The following ERBB4 variants were observed in gnomAD, a reference collection of about 807,000 sequenced individuals.
ERBB4 encodes the protein receptor tyrosine-protein kinase erbB-4.
A neutral mutation model predicts 158.0 loss-of-function variants in ERBB4; 42 were observed. The ratio of observed to expected loss-of-function variants is 0.27; its 90% confidence interval spans 0.21 to 0.34. ERBB4 has a LOEUF of 0.34. Among genes scored for constraint, ERBB4 ranks in the 10% least tolerant of loss-of-function variants. The probability of loss-of-function intolerance (pLI) is 1.00; values close to 1 mark genes in which losing one functional copy is unlikely to be tolerated. For missense variants in ERBB4, 1,333 were observed against 1,624.1 expected, an observed-to-expected ratio of 0.82 and a Z score of 3.08; for synonymous variants, 583 against 558.7, an observed-to-expected ratio of 1.04 and a Z score of -0.61.
At chr2:211,858,699 G>T (rs1412099792) in intron 3 of ERBB4, among the ~76,000 whole-genome samples, 1 of 152,140 alleles carries the variant, frequency 6.6e-6, no homozygotes, top group Non-Finnish European at 1.5e-5. Context: ...ACAGATGTTA[G>T]CTGTAACATA....
At chr2:212,051,515 A>G (rs2077399191) in intron 2 of ERBB4, among the ~76,000 whole-genome samples, 1 of 152,208 alleles carries the variant, frequency 6.6e-6, no homozygotes, top group Non-Finnish European at 1.5e-5. Context: ...AATTGATGTT[A>G]TGTTTCCTTA....
intron 1 of ERBB4, among the ~76,000 whole-genome samples, chr2:212,418,889 A>G (rs1012608884): frequency 6.6e-6 from 1 of 151,846 alleles, no homozygotes; most frequent in Non-Finnish European, 1.5e-5. Flanking sequence ...TCCCATTGAC[A>G]TGGTCCTACA....
chr2:212,320,293 A>T (rs76759243), intron 1 of ERBB4, among the ~76,000 whole-genome samples: 2,187 of 148,854 alleles, frequency 0.015, 77 homozygotes, highest in African/African-American at 0.051. Flanking sequence ...TTCTTAGGGG[A>T]ATGAAATGCA....
chr2:212,268,844 T>A (rs2085244315), intron 1 of ERBB4, among the ~76,000 whole-genome samples: 1 of 151,980 alleles, frequency 6.6e-6, no homozygotes, highest in East Asian at 1.9e-4. Context: ...TTTTTCTGTA[T>A]AGCATTATAA....
chr2:212,115,971 G>T (rs1559526831), intron 2 of ERBB4, among the ~76,000 whole-genome samples: 1 of 151,974 alleles, frequency 6.6e-6, no homozygotes, highest in South Asian at 2.1e-4. Flanking sequence ...TGCAACAAAG[G>T]TATATTTGTG....
chr2:212,242,062 T>G (rs965992958), intron 1 of ERBB4, among the ~76,000 whole-genome samples: 1 of 151,928 alleles, frequency 6.6e-6, no homozygotes, highest in East Asian at 1.9e-4. Context: ...ATATGAATAA[T>G]CATCATCATA....
chr2:212,109,765 A>C (rs1194919259), intron 2 of ERBB4, among the ~76,000 whole-genome samples: 1 of 152,198 alleles, frequency 6.6e-6, no homozygotes, highest in Non-Finnish European at 1.5e-5. Context: ...GTGATCAAAC[A>C]ATTCAATATT....
intron 15 of ERBB4, among the ~76,000 whole-genome samples, chr2:211,661,446 T>A (rs2105909111): frequency 6.6e-6 from 1 of 152,164 alleles, no homozygotes; most frequent in East Asian, 1.9e-4. Flanking sequence ...ATTAGAAAAA[T>A]AAAACACATG....
At chr2:212,228,257 A>G (rs192371875) in intron 1 of ERBB4, among the ~76,000 whole-genome samples, 1 of 152,314 alleles carries the variant, frequency 6.6e-6, no homozygotes, top group East Asian at 1.9e-4. Flanking sequence ...CTGATGGGAA[A>G]ATTAGAAGAA....
At chr2:211,792,658 T>C (rs767517973) in intron 3 of ERBB4, among the ~76,000 whole-genome samples, 16 of 151,984 alleles carry the variant, frequency 1.1e-4, no homozygotes, top group Non-Finnish European at 2.2e-4. Context: ...TTTTCTTGTA[T>C]TGAACTGTAA....
At chr2:212,097,374 C>A (rs1310199552) in intron 2 of ERBB4, among the ~76,000 whole-genome samples, 1 of 152,102 alleles carries the variant, frequency 6.6e-6, no homozygotes, top group African/African-American at 2.4e-5. Flanking sequence ...AGATGAAAAC[C>A]ATTTCAGGTA....
intron 5 of ERBB4, among the ~76,000 whole-genome samples, chr2:211,726,167 G>A (rs1359990154): frequency 5.9e-5 from 9 of 152,082 alleles, no homozygotes; most frequent in Non-Finnish European, 1.3e-4. Flanking sequence ...TTTTCAAACA[G>A]ATCTTCTAAG....
chr2:211,520,446 G>C (rs1033668641), intron 20 of ERBB4, among the ~76,000 whole-genome samples: 5 of 152,040 alleles, frequency 3.3e-5, no homozygotes, highest in African/African-American at 1.2e-4. Context: ...CTAGCCCGTG[G>C]CCTGTTCTGT....
intron 3 of ERBB4, among the ~76,000 whole-genome samples, chr2:211,918,253 C>G (rs573406716): frequency 6.6e-6 from 1 of 152,178 alleles, no homozygotes; most frequent in South Asian, 2.1e-4. Context: ...GTTTACAGAA[C>G]TGAAAGTATT....
chr2:211,807,753 G>A (rs2076654470), intron 3 of ERBB4, among the ~76,000 whole-genome samples: 1 of 152,210 alleles, frequency 6.6e-6, no homozygotes, highest in Non-Finnish European at 1.5e-5. Context: ...TGGTGTGAAA[G>A]AGTTCCTATT....
At chr2:211,800,491 A>T (rs532597111) in intron 3 of ERBB4, among the ~76,000 whole-genome samples, 1 of 152,210 alleles carries the variant, frequency 6.6e-6, no homozygotes, top group East Asian at 1.9e-4. Flanking sequence ...AAACAAAACA[A>T]AACAGTTTAA....
chr2:211,735,908 T>C (rs2074583315), intron 5 of ERBB4, among the ~76,000 whole-genome samples: 1 of 151,778 alleles, frequency 6.6e-6, no homozygotes, highest in Non-Finnish European at 1.5e-5. Flanking sequence ...ATCCCAGCAC[T>C]TTGGGAGGCT....
chr2:212,502,608 A>G (rs1358568743), intron 1 of ERBB4, among the ~76,000 whole-genome samples: 1 of 152,184 alleles, frequency 6.6e-6, no homozygotes, highest in Non-Finnish European at 1.5e-5. Context: ...GCTGTTAACC[A>G]AACCCAATTC....
chr2:211,820,161 T>A lies in ERBB4; in HGVS notation c.422-32002A>T, dbSNP rs191644719. ...AACTCACAAATACATATAAAAAGTA[T>A]ATAACTTTTAAATAACCAATGGAAT... is the stretch of plus-strand genomic sequence containing the variant. On this transcript the variant is annotated intron_variant, in intron 3 of 27. Transcript: ENST00000342788. Among the ~76,000 whole-genome samples, 548 of 152,020 alleles carry A rather than the reference T, an allele frequency of 3.6e-3. 5 individuals are homozygous for A. Among genetic ancestry groups the A allele is most frequent in the African/African-American group, 0.012 (500 of 41,540 alleles).
Sources: allele counts gnomAD v4.1 joint callset (sites outside exome capture counted in the v4.1 genomes callset), GRCh38; gene constraint gnomAD v4.1.1; transcripts MANE v1.5; gene names NCBI Gene and HGNC (gene_info 2026-07-23, HGNC 2026-07-21).